P4HA2: variants seen among roughly 807,000 people sequenced by gnomAD.
P4HA2 encodes prolyl 4-hydroxylase subunit alpha-2.
P4HA2 carries 46 observed loss-of-function variants against 76.9 expected under a neutral mutation model. That is an observed-to-expected ratio of 0.60 (90% CI 0.47 to 0.76). P4HA2 has a LOEUF of 0.76. Ranked by LOEUF, P4HA2 falls within the 30% of genes least tolerant of loss-of-function variation. The pLI is 0.00. For synonymous variants in P4HA2, 243 were observed against 254.0 expected, an observed-to-expected ratio of 0.96 and a Z score of 0.41; for missense variants, 583 against 669.4, an observed-to-expected ratio of 0.87 and a Z score of 1.42.
chr5:132,194,025 C>T (rs1179186671), intron 14 of P4HA2, among the ~76,000 whole-genome samples: 4 of 152,134 alleles, frequency 2.6e-5, no homozygotes, highest in African/African-American at 7.2e-5. Flanking sequence ...GATATTTAAC[C>T]TCATTTTTCT....
chr5:132,222,009 C>G (rs1754710169), intron 1 of P4HA2: 1 of 152,268 alleles, frequency 6.6e-6, no homozygotes, highest in Non-Finnish European at 1.5e-5. Flanking sequence ...ATGTTTCCAG[C>G]TGCAAACCAG....
chr5:132,211,764 A>C (rs1753124749), intron 5 of P4HA2, among the ~76,000 whole-genome samples: 1 of 152,200 alleles, frequency 6.6e-6, no homozygotes, highest in Non-Finnish European at 1.5e-5. Flanking sequence ...TGTTGGCCTC[A>C]CTAGGGCGCC....
At chr5:132,227,267 GAA>G (rs1449005955) in intron 1 of P4HA2, 3 of 152,450 alleles carry the variant, frequency 2.0e-5, no homozygotes, top group African/African-American at 7.2e-5. Context: ...GTCTGGGGGA[GAA>G]AAGACTTTCT....
chr5:132,221,505 T>A (rs991263921), intron 1 of P4HA2, among the ~76,000 whole-genome samples: 1 of 152,142 alleles, frequency 6.6e-6, no homozygotes, highest in Non-Finnish European at 1.5e-5. Context: ...ATGAATACTA[T>A]ATATCAACAT....
At chr5:132,220,001 T>C (rs565923366) in intron 1 of P4HA2, among the ~76,000 whole-genome samples, 3 of 152,364 alleles carry the variant, frequency 2.0e-5, no homozygotes, top group Admixed American at 6.5e-5. Context: ...CTTCCTGTCA[T>C]AGTCTAGGTG....
intron 14 of P4HA2, among the ~76,000 whole-genome samples, chr5:132,193,806 A>G (rs1338011634): frequency 6.6e-6 from 1 of 152,184 alleles, no homozygotes; most frequent in Non-Finnish European, 1.5e-5. Context: ...TGTTCCTCAC[A>G]GACTCTCTCA....
At chr5:132,195,322 C>G (rs1469004593) in intron 13 of P4HA2, 90 bp downstream of exon 13, 8 of 966,402 alleles carry the variant, frequency 8.3e-6, no homozygotes, top group Non-Finnish European at 1.3e-5. Flanking sequence ...CAGTGACAAT[C>G]AGGCAGGCCA....
chr5:132,206,255 A>AAAGTAGTTT (rs1392181398), intron 8 of P4HA2, among the ~76,000 whole-genome samples: 1 of 152,192 alleles, frequency 6.6e-6, no homozygotes, highest in East Asian at 1.9e-4. Flanking sequence ...CACAACCAAC[A>AAAGTAGTTT]AAGTAGTTTT....
chr5:132,220,733 C>A (rs978176072), intron 1 of P4HA2, among the ~76,000 whole-genome samples: 1 of 152,190 alleles, frequency 6.6e-6, no homozygotes, highest in Non-Finnish European at 1.5e-5. Context: ...GAATCTCAGC[C>A]TGGAGGCAGA....
chr5:132,213,094 A>G (rs549349406), intron 5 of P4HA2, among the ~76,000 whole-genome samples: 1 of 152,354 alleles, frequency 6.6e-6, no homozygotes, highest in East Asian at 1.9e-4. Context: ...GAAAATGACC[A>G]GAGAGGCTAA....
rs964770539 is a variant in P4HA2, at chr5:132,194,944, G to A, written c.1513C>T (p.Leu505Phe). Residue 505 changes from leucine (L) to phenylalanine (F), a missense_variant, in exon 14 of 15, where the codon CTT (leucine) becomes TTT (phenylalanine). By Grantham distance (22) the Leu-to-Phe change is conservative. Transcript: ENST00000360568. ...YRTRHAACPV[L>F]VGCKWVSNKW... Reference sequence around the variant, plus strand: ...CACTCACCCCACTTGCAGCCCACAAGCACAGGGCAGGCAGCATGTCTTGTT... The same window carrying A: ...CACTCACCCCACTTGCAGCCCACAAACACAGGGCAGGCAGCATGTCTTGTT... 1 of 1,611,924 alleles carries A rather than the reference G, an allele frequency of 6.2e-7. No individual in the cohort carries two copies. Among genetic ancestry groups the A allele is most frequent in the Non-Finnish European group, 8.5e-7 (1 of 1,178,094 alleles).
At position 132,204,156 on chromosome 5, in the gene P4HA2, G is replaced by C. The variant is rs1385676784; in HGVS notation, c.1081-4C>G. 2 of 1,609,410 alleles carry C rather than the reference G, an allele frequency of 1.2e-6. No homozygotes were observed. The highest frequency in any genetic ancestry group is 2.2e-5 in the South Asian group (2 of 90,972). The stretch of plus-strand genomic sequence containing the variant: ...CACGAACGGTGGCTCGTGCAAGCTA[G>C]AAGGAAGGAGGAGAGGGAAGACTTG... On this transcript the variant is annotated splice_region_variant and splice_polypyrimidine_tract_variant and intron_variant, in intron 8 of 14. Transcript: ENST00000360568.
intron 8 of P4HA2, among the ~76,000 whole-genome samples, chr5:132,206,611 C>A (rs553501910): frequency 4.5e-4 from 68 of 152,192 alleles, no homozygotes; most frequent in African/African-American, 1.5e-3. Flanking sequence ...AAATGGGGAA[C>A]AAATCTTTTA....
At chr5:132,202,417 T>C (rs1751635139) in intron 10 of P4HA2, 1 of 152,234 alleles carries the variant, frequency 6.6e-6, no homozygotes, top group Non-Finnish European at 1.5e-5. Flanking sequence ...CTTTTCCAAA[T>C]GATCTTTAAT....
At chr5:132,212,451 C>T (rs1388331790) in intron 5 of P4HA2, among the ~76,000 whole-genome samples, 2 of 152,072 alleles carry the variant, frequency 1.3e-5, no homozygotes, top group Admixed American at 1.3e-4. Flanking sequence ...ATCCATAGGC[C>T]TTAGGCTTCT....
Position 132,218,641 on chromosome 5 carries a change from G to A in P4HA2, c.-15C>T. The A allele has an allele frequency of 6.3e-7, 1 of 1,595,382 alleles. No individual in the cohort carries two copies. The highest frequency in any genetic ancestry group is 1.1e-5 in the South Asian group (1 of 90,696). ...CAGAGTTTCATGGTCACAGAGGGAA[G>A]TGTCTGAAAGGCATTCAATGACAAT... is the stretch of plus-strand genomic sequence containing the variant. On this transcript the variant is annotated 5_prime_UTR_variant, in exon 2 of 15. Coordinates refer to ENST00000360568, the MANE Select transcript of P4HA2 (RefSeq NM_001017974.2).
chr5:132,212,479 G>A (rs1022386786), intron 5 of P4HA2, among the ~76,000 whole-genome samples: 1 of 152,210 alleles, frequency 6.6e-6, no homozygotes, highest in Non-Finnish European at 1.5e-5. Context: ...GCAGCCAGAG[G>A]ATGGAGGTCC....
At chr5:132,195,074 G>T in intron 13 of P4HA2, 52 bp from the exon 14 acceptor site, 1 of 1,211,690 alleles carries the variant, frequency 8.3e-7, no homozygotes, top group Non-Finnish European at 1.2e-6. Flanking sequence ...TGTGCTCAGG[G>T]ACCTGACTGC....
Position 132,195,444 on chromosome 5 carries a change from G to A in P4HA2, c.1402C>T (p.Pro468Ser). Residue 468 changes from proline (P) to serine (S), a missense_variant, in exon 13 of 15, where the codon CCT becomes TCT. Physicochemically the swap from Pro to Ser is moderately conservative, Grantham distance 74 (BLOSUM62 -1). Transcript: ENST00000360568. ...GGCCAAATTGCAGCCCCCAGATCAG[G>A]GAAGACGGTGGCACCACCAGCTTCT... ...DVEAGGATVF[P>S]DLGAAIWPKK... The A allele has an allele frequency of 4.3e-6, 7 of 1,613,482 alleles. No individual in the cohort carries two copies. Among genetic ancestry groups the A allele is most frequent in the South Asian group, 1.1e-5 (1 of 91,070 alleles).
Sources: gnomAD v4.1 joint callset for allele counts (sites outside exome capture counted in the v4.1 genomes callset) on GRCh38, gnomAD v4.1.1 for gene constraint, MANE v1.5 for transcripts, NCBI Gene and HGNC (gene_info 2026-07-23, HGNC 2026-07-21) for gene names.